Variants in ANKRD62 observed in about 807,000 individuals in gnomAD.
ANKRD62 encodes the protein ankyrin repeat domain-containing protein 62.
Under a neutral mutation model 98.8 loss-of-function variants are expected in ANKRD62, and 61 were observed. The observed-to-expected ratio is 0.62, with a 90% CI of 0.50 to 0.76. The LOEUF (loss-of-function observed/expected upper bound fraction) is 0.76, where lower values mean the gene tolerates loss of function less well. ANKRD62 is among the 30% of genes least tolerant of loss of function. The probability of loss-of-function intolerance (pLI) is 0.00; values close to 1 mark genes in which losing one functional copy is unlikely to be tolerated. For missense variants in ANKRD62, 933 were observed against 1,082.9 expected (o/e 0.86, Z 1.94); for synonymous variants, 341 against 367.9 (o/e 0.93, Z 0.84).
At chr18:12,140,566 G>T in the ANKRD62 span, among the ~76,000 whole-genome samples, 2 of 152,208 alleles carry the variant, frequency 1.3e-5, no homozygotes, top group Non-Finnish European at 2.9e-5. Context: ...CCTTCTAACA[G>T]TCAGGACCCT....
chr18:12,099,464 T>C, intron 5 of ANKRD62, 151 bp from the exon 6 acceptor site: 1 of 440,682 alleles, frequency 2.3e-6, no homozygotes, highest in Non-Finnish European at 3.9e-6. Context: ...AATTAGAAGC[T>C]TAATAAGAGT....
Position 12,094,158 on chromosome 18 carries a change from C to G in ANKRD62, c.141C>G (p.Ile47Met), listed in dbSNP as rs552655696. The G allele has an allele frequency of 2.0e-6, 3 of 1,532,614 alleles. No homozygotes were observed. Among genetic ancestry groups the G allele is most frequent in the Non-Finnish European group, 2.6e-6 (3 of 1,146,312 alleles). 94.9% of individuals were successfully genotyped at this position (1,532,614 alleles called of 1,614,324 possible). A position where few individuals can be genotyped will look rare whatever the true frequency, so the allele number is the denominator to read the frequency against. ...KDLGMIHKAA[I>M]AGDVNKVMES... is the part of the protein sequence containing the mutation. ...TGGGCATGATCCACAAAGCTGCCAT[C>G]GCAGGTGATGTGAACAAGGTGATGG... Residue 47 changes from isoleucine to methionine, a missense_variant, in exon 1 of 14, where the codon ATC (isoleucine) becomes ATG (methionine). Ile to Met is a conservative substitution (Grantham distance 10, BLOSUM62 1). Coordinates refer to ENST00000587848, the MANE Select transcript of ANKRD62 (RefSeq NM_001277333.2).
In ANKRD62 at chr18:12,099,620, G is replaced by A. The variant is rs1343097405; in HGVS notation, c.758G>A (p.Arg253His). The A allele has an allele frequency of 5.4e-6, 8 of 1,479,486 alleles. No homozygotes were observed. Among genetic ancestry groups the A allele is most frequent in the Admixed American group, 4.4e-5 (2 of 45,160 alleles). The allele number at this position is 1,479,486 out of a possible 1,614,324, so 91.6% of individuals were successfully genotyped here. ...YAVASKFQAI[R>H]GMISEYKANK... ...TACTGCATTTTGATACATAGCATTC[G>A]TGGAATGATTTCTGAATATAAAGCA... Residue 253 changes from arginine (R) to histidine (H), a missense_variant, in exon 6 of 14, where the codon CGT becomes CAT. Around this residue, in one of 3 missense-constraint regions of ANKRD62, gnomAD observed 549 missense variants for 587.9 expected, o/e 0.93. Transcript: ENST00000587848.
rs117551765 is a variant in ANKRD62 at position 12,095,590 on chromosome 18, G to A, written c.487G>A (p.Asp163Asn). 1 of 1,523,190 alleles carries A rather than the reference G, an allele frequency of 6.6e-7. No homozygotes were observed. The highest frequency in any genetic ancestry group is 2.4e-5 in the East Asian group (1 of 40,918). 94.4% of individuals were successfully genotyped at this position (1,523,190 alleles called of 1,614,324 possible). ...AAGAAAACTGCTTGCATATGGTGCA[G>A]ATATTGAAGCAAGAAGCCAGGTATG... ...MARKLLAYGA[D>N]IEARSQDGHT... is the part of the protein sequence containing the mutation. Residue 163 changes from aspartate (D) to asparagine (N), a missense_variant, in exon 3 of 14, where the codon GAT becomes AAT. Asp to Asn is a conservative substitution (Grantham distance 23). Transcript: ENST00000587848.
chr18:12,181,015 C>A, the ANKRD62 span, among the ~76,000 whole-genome samples: 1 of 148,752 alleles, frequency 6.7e-6, no homozygotes, highest in African/African-American at 2.5e-5. Flanking sequence ...GTTCAATTCC[C>A]ACCTATGAGT....
At chr18:12,110,117 C>T (rs74554477) in intron 8 of ANKRD62, among the ~76,000 whole-genome samples, 4,274 of 152,220 alleles carry the variant, frequency 0.028, 211 homozygotes, top group African/African-American at 0.097. Context: ...GAAAAGTATG[C>T]ACCACACCAT....
intron 11 of ANKRD62, 114 bp from the exon 12 acceptor site, chr18:12,124,023 A>G (rs552463506): frequency 3.6e-6 from 2 of 552,946 alleles, no homozygotes; most frequent in East Asian, 3.4e-5. Context: ...AGAAATTAAC[A>G]TGCAAACTAG....
At chr18:12,164,863 C>G in the ANKRD62 span, among the ~76,000 whole-genome samples, 1 of 151,848 alleles carries the variant, frequency 6.6e-6, no homozygotes, top group Non-Finnish European at 1.5e-5. Context: ...GACATATGTT[C>G]AATGCTGAAA....
At chr18:12,109,588 G>T (rs148950982) in intron 8 of ANKRD62, among the ~76,000 whole-genome samples, 1,692 of 152,260 alleles carry the variant, frequency 0.011, 30 homozygotes, top group African/African-American at 0.039. Flanking sequence ...TAAAATTGTT[G>T]TTTTTCTCAA....
the ANKRD62 span, among the ~76,000 whole-genome samples, chr18:12,175,612 C>T: frequency 6.6e-6 from 1 of 151,958 alleles, no homozygotes; most frequent in Non-Finnish European, 1.5e-5. Context: ...CAGGGTCCAC[C>T]AGCACAGAAG....
In ANKRD62 at chr18:12,128,092, T is replaced by C. The variant is rs186053690; in HGVS notation, c.*153T>C. ...CATGTTTTATAATTATAAATATTTT[T>C]CTTACACTATTTCCCCTTATGAAAG... is the stretch of plus-strand genomic sequence containing the variant. On this transcript the variant is annotated 3_prime_UTR_variant, in exon 14 of 14. Transcript: ENST00000587848. 2.4e-3 allele frequency: 990 copies of C among 409,782 alleles called. 4 individuals are homozygous for C. Among genetic ancestry groups the C allele is most frequent in the African/African-American group, 0.017 (816 of 48,686 alleles). The allele number at this position is 409,782 out of a possible 1,614,324, so 25.4% of individuals were successfully genotyped here. A position where few individuals can be genotyped will look rare whatever the true frequency, so the allele number is the denominator to read the frequency against.
At chr18:12,097,612 A>G in intron 4 of ANKRD62, 28 bp from the exon 5 acceptor site, 1 of 1,517,072 alleles carries the variant, frequency 6.6e-7, no homozygotes, top group South Asian at 1.2e-5. Context: ...TAAAGTTCCT[A>G]AGCATGAAAT....
chr18:12,157,509 T>C, the ANKRD62 span, among the ~76,000 whole-genome samples: 1 of 152,212 alleles, frequency 6.6e-6, no homozygotes, highest in South Asian at 2.1e-4. Flanking sequence ...CTAGACTGTG[T>C]TGTAATATTT....
At chr18:12,174,947 G>A in the ANKRD62 span, among the ~76,000 whole-genome samples, 1 of 152,262 alleles carries the variant, frequency 6.6e-6, no homozygotes, top group Non-Finnish European at 1.5e-5. Context: ...TTATAGTGCA[G>A]TGACAGCAGG....
chr18:12,135,949 T>C, the ANKRD62 span, among the ~76,000 whole-genome samples: 1 of 152,258 alleles, frequency 6.6e-6, no homozygotes, highest in Non-Finnish European at 1.5e-5. Flanking sequence ...ATTAGCCCTT[T>C]GTCAGATCAG....
chr18:12,165,207 G>C, the ANKRD62 span, among the ~76,000 whole-genome samples: 1 of 151,930 alleles, frequency 6.6e-6, no homozygotes, highest in South Asian at 2.1e-4. Context: ...AGATCACTGG[G>C]TCTTGCTTGT....
chr18:12,145,258 A>T, the ANKRD62 span, among the ~76,000 whole-genome samples: 1 of 152,248 alleles, frequency 6.6e-6, no homozygotes, highest in Non-Finnish European at 1.5e-5. Context: ...TCCTTCTGGG[A>T]GGTCCCACTG....
At chr18:12,145,487 T>A in the ANKRD62 span, among the ~76,000 whole-genome samples, 2 of 152,164 alleles carry the variant, frequency 1.3e-5, no homozygotes, top group Admixed American at 1.3e-4. Flanking sequence ...GGCTGCTTTT[T>A]TTAAGCCCAT....
At chr18:12,134,871 C>T in the ANKRD62 span, among the ~76,000 whole-genome samples, 63 of 152,212 alleles carry the variant, frequency 4.1e-4, no homozygotes, top group African/African-American at 1.3e-3. Flanking sequence ...GATTTATAAT[C>T]CTTTGGGTAT....
Sources: gnomAD v4.1 joint callset for allele counts (sites outside exome capture counted in the v4.1 genomes callset) on GRCh38, gnomAD v4.1.1 for gene constraint, gnomAD v4.1.1 regional missense constraint, MANE v1.5 for transcripts, NCBI Gene and HGNC (gene_info 2026-07-23, HGNC 2026-07-21) for gene names.